ATP9A: variants seen among roughly 807,000 people sequenced by gnomAD.
ATP9A encodes the protein probable phospholipid-transporting ATPase IIA.
Under a neutral mutation model 144.1 loss-of-function variants are expected in ATP9A, and 52 were observed. That is an observed-to-expected ratio of 0.36 (90% confidence interval 0.29 to 0.45). The LOEUF (loss-of-function observed/expected upper bound fraction) is 0.45, where lower values mean the gene tolerates loss of function less well. Among genes scored for constraint, ATP9A ranks in the 20% least tolerant of loss-of-function variants. ATP9A has a pLI of 1.00. For synonymous variants in ATP9A, 582 were observed against 557.4 expected, an observed-to-expected ratio of 1.04 and a Z score of -0.62; for missense variants, 947 against 1,392.7, an observed-to-expected ratio of 0.68 and a Z score of 5.09.
At position 51,601,182 on chromosome 20, in the gene ATP9A, A is replaced by C; in HGVS notation, c.*29T>G. On this transcript the variant is annotated 3_prime_UTR_variant, in exon 28 of 28. Coordinates refer to ENST00000338821, the MANE Select transcript of ATP9A (RefSeq NM_006045.3). ...CTCTGTCCATCAGGGAAGCGCCAAG[A>C]CCAGGGCCCCCTCCAGCGAACGCAC... is the stretch of plus-strand genomic sequence containing the variant. 1 of 1,573,914 alleles carries C rather than the reference A, an allele frequency of 6.4e-7. No individual in the cohort carries two copies. The highest frequency in any genetic ancestry group is 8.6e-7 in the Non-Finnish European group (1 of 1,159,928).
chr20:51,727,869 T>A (rs185045885), intron 2 of ATP9A, among the ~76,000 whole-genome samples: 2 of 150,630 alleles, frequency 1.3e-5, no homozygotes, highest in African/African-American at 4.9e-5. Flanking sequence ...AGGTGGAGGT[T>A]GCAGTGAGCC....
chr20:51,667,063 C>T (rs1247728960), intron 13 of ATP9A, among the ~76,000 whole-genome samples: 1 of 152,144 alleles, frequency 6.6e-6, no homozygotes, highest in Non-Finnish European at 1.5e-5. Context: ...AACCCTAACC[C>T]CACAACACAC....
At position 51,619,050 on chromosome 20, in the gene ATP9A, G is replaced by T. The variant is rs760476136; in HGVS notation, c.2116-7C>A. On this transcript the variant is annotated splice_region_variant and splice_polypyrimidine_tract_variant and intron_variant, in intron 19 of 27. Transcript: ENST00000338821. ...CCTCCCCGCGGTTGGTCACCTGGAA[G>T]GGAACAGAGATGGGGAAGGAGGCAT... 6.2e-7 allele frequency: 1 copy of T among 1,611,878 alleles called. No individual in the cohort carries two copies. The highest frequency in any genetic ancestry group is 8.5e-7 in the Non-Finnish European group (1 of 1,178,004).
intron 4 of ATP9A, among the ~76,000 whole-genome samples, chr20:51,699,541 G>A (rs1051009374): frequency 6.6e-6 from 1 of 152,024 alleles, no homozygotes; most frequent in Admixed American, 6.6e-5. Flanking sequence ...GGTTCCATAA[G>A]ATTTGTTTTT....
chr20:51,671,808 T>G (rs534599362), intron 11 of ATP9A, among the ~76,000 whole-genome samples: 1 of 152,192 alleles, frequency 6.6e-6, no homozygotes, highest in African/African-American at 2.4e-5. Context: ...TGACTACTTT[T>G]TTTTTTTTGA....
chr20:51,659,070 C>G (rs772901141), intron 13 of ATP9A, among the ~76,000 whole-genome samples: 3 of 152,148 alleles, frequency 2.0e-5, no homozygotes, highest in Non-Finnish European at 2.9e-5. Context: ...AGGGCCTCTG[C>G]ACTTGCTGTG....
At chr20:51,627,263 C>G (rs1049528225) in intron 17 of ATP9A, among the ~76,000 whole-genome samples, 7 of 152,096 alleles carry the variant, frequency 4.6e-5, no homozygotes, top group Admixed American at 2.0e-4. Flanking sequence ...CAAATGGTAG[C>G]ACGCGATGAC....
chr20:51,747,138 A>G (rs2077812302), intron 1 of ATP9A, among the ~76,000 whole-genome samples: 1 of 151,484 alleles, frequency 6.6e-6, no homozygotes, highest in Admixed American at 6.6e-5. Flanking sequence ...GGAGAATACA[A>G]AACCTAAGTC....
At chr20:51,742,916 G>A (rs554322937) in intron 1 of ATP9A, among the ~76,000 whole-genome samples, 15 of 152,284 alleles carry the variant, frequency 9.9e-5, no homozygotes, top group Admixed American at 6.5e-4. Flanking sequence ...ATAAATAAGC[G>A]TCTTGCTAAA....
chr20:51,692,485 G>A (rs897581286), intron 7 of ATP9A, among the ~76,000 whole-genome samples: 17 of 152,134 alleles, frequency 1.1e-4, no homozygotes, highest in Non-Finnish European at 4.4e-5. Flanking sequence ...CACGTGAAGT[G>A]GGGCTGGAGG....
intron 8 of ATP9A, 103 bp from the exon 9 acceptor site, chr20:51,689,242 C>T: frequency 8.3e-7 from 1 of 1,199,456 alleles, no homozygotes; most frequent in Non-Finnish European, 1.2e-6. Flanking sequence ...CAGGCTCCCC[C>T]CGATGAACCT....
chr20:51,682,948 C>T (rs2077506645), intron 9 of ATP9A, among the ~76,000 whole-genome samples: 1 of 148,002 alleles, frequency 6.8e-6, no homozygotes, highest in Non-Finnish European at 1.5e-5. Context: ...AAAAATTAGC[C>T]GGGTGTGGTG....
intron 1 of ATP9A, among the ~76,000 whole-genome samples, chr20:51,746,969 G>A (rs1226640873): frequency 6.6e-6 from 1 of 152,036 alleles, no homozygotes; most frequent in Admixed American, 6.6e-5. Context: ...TAGTGCCATT[G>A]CACTCCAGCC....
At chr20:51,686,451 AAAAC>A (rs939812157) in intron 9 of ATP9A, among the ~76,000 whole-genome samples, 2 of 152,216 alleles carry the variant, frequency 1.3e-5, no homozygotes, top group East Asian at 1.9e-4. Context: ...ACAAAAACAA[AAAAC>A]AAACAAAAAA....
intron 3 of ATP9A, among the ~76,000 whole-genome samples, 161 bp downstream of exon 3, chr20:51,725,658 C>G (rs1214125288): frequency 6.6e-6 from 1 of 152,186 alleles, no homozygotes; most frequent in Non-Finnish European, 1.5e-5. Flanking sequence ...TGAAATGGAG[C>G]TTCAACGTTA....
intron 1 of ATP9A, chr20:51,734,870 T>A (rs1195274401): frequency 4.6e-6 from 1 of 216,524 alleles, no homozygotes; most frequent in African/African-American, 2.3e-5. Context: ...TCTCAAAGGG[T>A]GTCGGCAGCA....
chr20:51,712,837 G>C (rs536023768), intron 4 of ATP9A, 129 bp downstream of exon 4: 7 of 793,728 alleles, frequency 8.8e-6, no homozygotes, highest in African/African-American at 5.1e-5. Context: ...TGGTGCTGGA[G>C]TAACCAAGCG....
At chr20:51,724,287 C>T (rs2077703048) in intron 3 of ATP9A, among the ~76,000 whole-genome samples, 1 of 152,194 alleles carries the variant, frequency 6.6e-6, no homozygotes, top group South Asian at 2.1e-4. Context: ...TTTCATAATA[C>T]CTCAGTTTGG....
At chr20:51,736,625 G>C (rs2077763990) in intron 1 of ATP9A, among the ~76,000 whole-genome samples, 1 of 152,030 alleles carries the variant, frequency 6.6e-6, no homozygotes, top group Non-Finnish European at 1.5e-5. Context: ...TGAGAGCTGG[G>C]ATTACAGGCG....
Sources: gnomAD v4.1 joint callset for allele counts (sites outside exome capture counted in the v4.1 genomes callset) on GRCh38, gnomAD v4.1.1 for gene constraint, MANE v1.5 for transcripts, NCBI Gene and HGNC (gene_info 2026-07-23, HGNC 2026-07-21) for gene names.